Variants in ADAMTS3 observed in about 807,000 individuals in gnomAD.
ADAMTS3 encodes A disintegrin and metalloproteinase with thrombospondin motifs 3.
Under a neutral mutation model 129.0 loss-of-function variants are expected in ADAMTS3, and 73 were observed. The ratio of observed to expected loss-of-function variants is 0.57; its 90% CI spans 0.47 to 0.69. The LOEUF (loss-of-function observed/expected upper bound fraction) is 0.69, where lower values mean the gene tolerates loss of function less well. Among genes scored for constraint, ADAMTS3 ranks in the 30% least tolerant of loss-of-function variants. The pLI is 0.00. For synonymous variants in ADAMTS3, 477 were observed against 510.8 expected, an observed-to-expected ratio of 0.93 and a Z score of 0.89; for missense variants, 1,457 against 1,514.5, an observed-to-expected ratio of 0.96 and a Z score of 0.63.
intron 15 of ADAMTS3, among the ~76,000 whole-genome samples, chr4:72,307,568 C>T (rs1382712782): frequency 1.3e-5 from 2 of 151,898 alleles, no homozygotes; most frequent in Non-Finnish European, 2.9e-5. Flanking sequence ...TTGACTATCC[C>T]ATAAGTCACA....
chr4:72,485,237 T>A (rs1400173825), intron 3 of ADAMTS3, among the ~76,000 whole-genome samples: 1 of 152,186 alleles, frequency 6.6e-6, no homozygotes, highest in Non-Finnish European at 1.5e-5. Flanking sequence ...ATATACTGTT[T>A]TTGTGTATTT....
At chr4:72,477,657 C>A (rs1578717116) in intron 3 of ADAMTS3, among the ~76,000 whole-genome samples, 2 of 152,012 alleles carry the variant, frequency 1.3e-5, no homozygotes, top group Non-Finnish European at 2.9e-5. Context: ...CAAACACATT[C>A]AAAATCTAGC....
At chr4:72,435,793 C>T (rs932844248) in intron 3 of ADAMTS3, among the ~76,000 whole-genome samples, 1 of 151,974 alleles carries the variant, frequency 6.6e-6, no homozygotes, top group Non-Finnish European at 1.5e-5. Flanking sequence ...AGAAAACTGG[C>T]TAGCCATATG....
chr4:72,313,680 G>C lies in ADAMTS3; in HGVS notation c.1742C>G (p.Pro581Arg). 6.2e-7 allele frequency: 1 copy of C among 1,613,288 alleles called. No individual in the cohort carries two copies. Among genetic ancestry groups the C allele is most frequent in the Non-Finnish European group, 8.5e-7 (1 of 1,179,646 alleles). ...VRFRTRQCNN[P>R]MPINGGQDCP... is the part of the protein sequence containing the mutation. ...AGAGTTACAAGGATATACTCACATG[G>C]GATTATTGCACTGGCGTGTTCTGAA... The change falls in exon 12 of 22, where the codon CCC becomes CGC. Residue 581 changes from proline (P) to arginine (R), a missense_variant. Coordinates refer to ENST00000286657, the MANE Select transcript of ADAMTS3 (RefSeq NM_014243.3).
chr4:72,515,281 T>C (rs113392643), intron 3 of ADAMTS3, among the ~76,000 whole-genome samples: 1 of 151,816 alleles, frequency 6.6e-6, no homozygotes, highest in East Asian at 1.9e-4. Context: ...TTGTGAATAG[T>C]GCCGCAATAA....
At position 72,283,626 on chromosome 4, in the gene ADAMTS3, T is replaced by C. The variant is rs1718418700; in HGVS notation, c.3128A>G (p.Asn1043Ser). Residue 1043 changes from asparagine to serine, a missense_variant, in exon 22 of 22, where the codon AAC becomes AGC. By Grantham distance (46) the Asn-to-Ser change is conservative (BLOSUM62 1). Coordinates refer to ENST00000286657, the MANE Select transcript of ADAMTS3 (RefSeq NM_014243.3). ...LARYCSIPGYNKLCCESCSKR... is the reference protein window; with the variant it reads ...LARYCSIPGYSKLCCESCSKR... ...GCTGCAGGACTCACAACATAACTTG[T>C]TATAACCTGGTATGGAGCAGTATCG... is the stretch of plus-strand genomic sequence containing the variant. 3 of 1,613,900 alleles carry C rather than the reference T, an allele frequency of 1.9e-6. No individual in the cohort carries two copies. The highest frequency in any genetic ancestry group is 3.3e-5 in the Admixed American group (2 of 59,992).
chr4:72,517,326 G>C (rs954485381), intron 3 of ADAMTS3, among the ~76,000 whole-genome samples: 13 of 152,142 alleles, frequency 8.5e-5, no homozygotes, highest in Non-Finnish European at 1.3e-4. Context: ...GCCAGGCTTT[G>C]GTATCAGGAT....
At chr4:72,408,435 T>C (rs1722104447) in intron 4 of ADAMTS3, among the ~76,000 whole-genome samples, 1 of 151,924 alleles carries the variant, frequency 6.6e-6, no homozygotes, top group Admixed American at 6.6e-5. Flanking sequence ...TAAATGAACA[T>C]GTTCAAGAGT....
chr4:72,319,992 T>G (rs775385984), intron 7 of ADAMTS3, 29 bp from the exon 8 acceptor site: 14 of 1,578,394 alleles, frequency 8.9e-6, no homozygotes, highest in Admixed American at 3.4e-5. Flanking sequence ...ACTTTTATTT[T>G]CATTTTATGA....
At chr4:72,294,992 C>T (rs1489322275) in intron 19 of ADAMTS3, among the ~76,000 whole-genome samples, 1 of 151,918 alleles carries the variant, frequency 6.6e-6, no homozygotes, top group Non-Finnish European at 1.5e-5. Context: ...TCTATGGAGA[C>T]TAAAGTGACA....
At chr4:72,494,435 T>C (rs891424003) in intron 3 of ADAMTS3, among the ~76,000 whole-genome samples, 56 of 152,168 alleles carry the variant, frequency 3.7e-4, no homozygotes, top group African/African-American at 1.3e-3. Flanking sequence ...TTTTATGATT[T>C]CTATGTCTTT....
intron 4 of ADAMTS3, among the ~76,000 whole-genome samples, chr4:72,390,348 G>T (rs1332710634): frequency 1.3e-5 from 2 of 152,098 alleles, no homozygotes; most frequent in African/African-American, 4.8e-5. Context: ...CACCAATGAT[G>T]CTATTCTAAA....
intron 4 of ADAMTS3, among the ~76,000 whole-genome samples, chr4:72,375,619 C>G (rs1197025080): frequency 6.6e-6 from 1 of 152,144 alleles, no homozygotes; most frequent in African/African-American, 2.4e-5. Context: ...AAGTGATCAT[C>G]AGGCAGGGGT....
intron 3 of ADAMTS3, among the ~76,000 whole-genome samples, chr4:72,442,578 T>C (rs1015425803): frequency 6.6e-6 from 1 of 151,730 alleles, no homozygotes; most frequent in Non-Finnish European, 1.5e-5. Flanking sequence ...TCCACCTCCA[T>C]GGCCCAAACA....
intron 4 of ADAMTS3, among the ~76,000 whole-genome samples, chr4:72,378,751 A>G (rs1721201155): frequency 6.6e-6 from 1 of 152,122 alleles, no homozygotes; most frequent in Non-Finnish European, 1.5e-5. Flanking sequence ...AGCTTAAAAC[A>G]ACACTCATTT....
intron 3 of ADAMTS3, among the ~76,000 whole-genome samples, chr4:72,477,254 C>T (rs944798306): frequency 1.3e-5 from 2 of 152,156 alleles, no homozygotes; most frequent in African/African-American, 4.8e-5. Context: ...CTCAGCACCA[C>T]ACCACACCTA....
At position 72,295,764 on chromosome 4, in the gene ADAMTS3, T is replaced by C; in HGVS notation, c.2613A>G (p.Gly871=). 1.2e-6 allele frequency: 2 copies of C among 1,612,696 alleles called. No homozygotes were observed. The highest frequency in any genetic ancestry group is 1.7e-6 in the Non-Finnish European group (2 of 1,179,034). ...TTTTATTATCACTTTTCCTACGGCA[T>C]CCATATTTAGTGTACTGGAAACCTG... ...CGGGFQYTKY[G]CRRKSDNKMV... Residue 871 remains glycine (G), a synonymous_variant, in exon 19 of 22, where the codon GGA becomes GGG. Transcript: ENST00000286657.
chr4:72,549,628 A>G (rs1721557858), intron 2 of ADAMTS3, among the ~76,000 whole-genome samples: 1 of 152,098 alleles, frequency 6.6e-6, no homozygotes, highest in Non-Finnish European at 1.5e-5. Context: ...AATAATCTTT[A>G]AATCAAATAT....
intron 4 of ADAMTS3, among the ~76,000 whole-genome samples, chr4:72,373,975 ATGT>A (rs1721079021): frequency 6.6e-6 from 1 of 151,162 alleles, no homozygotes; most frequent in Admixed American, 6.6e-5. Context: ...GGTGTTGATA[ATGT>A]TGTAGGTATT....
Sources: gnomAD v4.1 joint callset for allele counts (sites outside exome capture counted in the v4.1 genomes callset) on GRCh38, gnomAD v4.1.1 for gene constraint, MANE v1.5 for transcripts, NCBI Gene and HGNC (gene_info 2026-07-23, HGNC 2026-07-21) for gene names.